SLC24A2: variants seen among roughly 807,000 people sequenced by gnomAD.
SLC24A2 encodes sodium/potassium/calcium exchanger 2.
A neutral mutation model predicts 62.0 loss-of-function variants in SLC24A2; 36 were observed. The ratio of observed to expected loss-of-function variants is 0.58; its 90% CI spans 0.44 to 0.77. SLC24A2 has a LOEUF of 0.77. Ranked by LOEUF, SLC24A2 falls within the 30% of genes least tolerant of loss-of-function variation. The pLI is 0.00. For missense variants in SLC24A2, 846 were observed against 817.9 expected (o/e 1.03, Z -0.42); for synonymous variants, 358 against 294.0 (o/e 1.22, Z -2.23).
intron 5 of SLC24A2, among the ~76,000 whole-genome samples, chr9:19,579,429 GC>G (rs1420710851): frequency 6.6e-6 from 1 of 151,876 alleles, no homozygotes; most frequent in Non-Finnish European, 1.5e-5. Context: ...TTTGCAGAAG[GC>G]AATTCCAAAA....
intron 7 of SLC24A2, among the ~76,000 whole-genome samples, chr9:19,567,123 T>C (rs181300541): frequency 7.1e-6 from 1 of 141,036 alleles, no homozygotes; most frequent in African/African-American, 2.6e-5. Context: ...AAAATATATA[T>C]ATAAAAGAAC....
At chr9:20,160,521 T>C in the SLC24A2 span, among the ~76,000 whole-genome samples, 1 of 151,310 alleles carries the variant, frequency 6.6e-6, no homozygotes, top group Non-Finnish European at 1.5e-5. Context: ...TTCACAAAAA[T>C]TGATATGGTA....
the SLC24A2 span, among the ~76,000 whole-genome samples, chr9:20,259,543 C>T: frequency 6.6e-6 from 1 of 152,130 alleles, no homozygotes; most frequent in Non-Finnish European, 1.5e-5. Flanking sequence ...CTTGGAAGCT[C>T]CTCAAAGAAT....
At chr9:19,558,688 A>G (rs1336095612) in intron 7 of SLC24A2, among the ~76,000 whole-genome samples, 2 of 152,236 alleles carry the variant, frequency 1.3e-5, no homozygotes, top group African/African-American at 2.4e-5. Flanking sequence ...TTCAAAGGCC[A>G]ACAGAGCCCC....
the SLC24A2 span, among the ~76,000 whole-genome samples, chr9:20,125,996 A>G: frequency 1.3e-5 from 2 of 152,146 alleles, no homozygotes; most frequent in Non-Finnish European, 2.9e-5. Context: ...TTTTCCTGCC[A>G]CTTCAGGGCA....
chr9:19,799,603 C>G, the SLC24A2 span, among the ~76,000 whole-genome samples: 3 of 152,156 alleles, frequency 2.0e-5, no homozygotes, highest in African/African-American at 7.2e-5. Flanking sequence ...TCTATAGATC[C>G]TCTGCATGAG....
chr9:19,989,306 T>C, the SLC24A2 span, among the ~76,000 whole-genome samples: 39 of 152,230 alleles, frequency 2.6e-4, 1 homozygote, highest in African/African-American at 9.4e-4. Context: ...TTCATTTTTC[T>C]CATTTTTAAA....
chr9:19,543,816 C>G (rs1834407814), intron 8 of SLC24A2, among the ~76,000 whole-genome samples: 1 of 152,084 alleles, frequency 6.6e-6, no homozygotes, highest in Non-Finnish European at 1.5e-5. Flanking sequence ...GATTTCCATT[C>G]TTTTGCATTT....
At chr9:19,525,772 T>G (rs1017801612) in intron 9 of SLC24A2, among the ~76,000 whole-genome samples, 2 of 149,618 alleles carry the variant, frequency 1.3e-5, no homozygotes, top group African/African-American at 2.4e-5. Flanking sequence ...ACTGTTTTTT[T>G]TTTTTTTTTT....
the SLC24A2 span, among the ~76,000 whole-genome samples, chr9:20,068,224 G>C: frequency 6.6e-6 from 1 of 151,800 alleles, no homozygotes; most frequent in Non-Finnish European, 1.5e-5. Flanking sequence ...CACCACGCCT[G>C]GATAATTTTC....
At chr9:20,012,056 A>G in the SLC24A2 span, among the ~76,000 whole-genome samples, 2 of 152,234 alleles carry the variant, frequency 1.3e-5, no homozygotes, top group Non-Finnish European at 2.9e-5. Flanking sequence ...AATAAAAGCC[A>G]TATGTGACAA....
At chr9:19,633,996 C>G (rs1162734478) in intron 2 of SLC24A2, among the ~76,000 whole-genome samples, 1 of 152,140 alleles carries the variant, frequency 6.6e-6, no homozygotes, top group Non-Finnish European at 1.5e-5. Context: ...TTTTAGGTAG[C>G]AAGTCTAAGA....
chr9:20,101,858 C>G, the SLC24A2 span, among the ~76,000 whole-genome samples: 24 of 152,300 alleles, frequency 1.6e-4, no homozygotes, highest in African/African-American at 5.5e-4. Context: ...AAACTGTGCC[C>G]TTACCATTGA....
At chr9:19,994,877 A>G in the SLC24A2 span, among the ~76,000 whole-genome samples, 1 of 152,216 alleles carries the variant, frequency 6.6e-6, no homozygotes, top group Non-Finnish European at 1.5e-5. Context: ...CTTCCAATGT[A>G]CCAATATACA....
the SLC24A2 span, among the ~76,000 whole-genome samples, chr9:20,224,792 T>G: frequency 6.6e-6 from 1 of 152,060 alleles, no homozygotes; most frequent in Non-Finnish European, 1.5e-5. Flanking sequence ...GCCCAGATCA[T>G]TTTCGTGGGG....
chr9:20,093,702 T>G, the SLC24A2 span, among the ~76,000 whole-genome samples: 113 of 152,292 alleles, frequency 7.4e-4, 2 homozygotes, highest in East Asian at 0.017. Flanking sequence ...CCCTTGGGGA[T>G]TGTTAATGGG....
At chr9:20,140,561 A>G in the SLC24A2 span, among the ~76,000 whole-genome samples, 1 of 151,198 alleles carries the variant, frequency 6.6e-6, no homozygotes, top group Non-Finnish European at 1.5e-5. Flanking sequence ...GAAAAATAAG[A>G]CCCCCTTATT....
the SLC24A2 span, among the ~76,000 whole-genome samples, chr9:20,045,694 G>A: frequency 6.6e-6 from 1 of 152,060 alleles, no homozygotes; most frequent in African/African-American, 2.4e-5. Flanking sequence ...GCCTCCCAAA[G>A]AGCTGGAATT....
At chr9:19,706,466 G>A (rs923598894) in intron 2 of SLC24A2, among the ~76,000 whole-genome samples, 3 of 148,412 alleles carry the variant, frequency 2.0e-5, no homozygotes, top group South Asian at 2.1e-4. Flanking sequence ...TGCAAGCTCC[G>A]CCTCCCGGGT....
Sources: allele counts gnomAD v4.1 joint callset (sites outside exome capture counted in the v4.1 genomes callset), GRCh38; gene constraint gnomAD v4.1.1; transcripts MANE v1.5; gene names NCBI Gene and HGNC (gene_info 2026-07-23, HGNC 2026-07-21).